TDRP: variants seen among roughly 807,000 people sequenced by gnomAD.
The protein encoded by TDRP is testis development-related protein.
Under a neutral mutation model 10.5 loss-of-function variants are expected in TDRP, and 12 were observed. That is an observed-to-expected ratio of 1.15 (90% CI 0.73 to 1.86). The LOEUF is 1.86. Ranked by LOEUF, TDRP falls within the 40% of genes most tolerant of loss-of-function variation. The pLI is 0.00. For missense variants in TDRP, 353 were observed against 229.2 expected (o/e 1.54, Z -3.49); for synonymous variants, 139 against 95.4 (o/e 1.46, Z -2.67).
At chr8:510,887 T>C (rs1041340622) in intron 1 of TDRP, among the ~76,000 whole-genome samples, 13 of 152,182 alleles carry the variant, frequency 8.5e-5, no homozygotes, top group Non-Finnish European at 1.8e-4. Flanking sequence ...AGCAATTGCA[T>C]AGAATAGGCA....
intron 1 of TDRP, among the ~76,000 whole-genome samples, chr8:537,594 T>C (rs1009044349): frequency 1.3e-5 from 2 of 152,244 alleles, no homozygotes; most frequent in African/African-American, 4.8e-5. Context: ...ACACTGGCCA[T>C]GGGGACTACG....
At chr8:518,887 T>C (rs1334502157) in intron 1 of TDRP, among the ~76,000 whole-genome samples, 2 of 152,198 alleles carry the variant, frequency 1.3e-5, no homozygotes, top group Non-Finnish European at 2.9e-5. Context: ...GTTTAGTCTT[T>C]ATCCTTGGTT....
intron 1 of TDRP, among the ~76,000 whole-genome samples, chr8:520,686 G>A (rs1007272177): frequency 2.2e-4 from 34 of 152,154 alleles, no homozygotes; most frequent in African/African-American, 7.2e-4. Context: ...GTATTTCCCT[G>A]ATGATTAGCA....
intron 1 of TDRP, among the ~76,000 whole-genome samples, chr8:541,644 T>A (rs1321950553): frequency 1.3e-5 from 2 of 152,194 alleles, no homozygotes; most frequent in South Asian, 2.1e-4. Context: ...ATGACAAGTA[T>A]GCGTCTGAAA....
intron 1 of TDRP, among the ~76,000 whole-genome samples, chr8:517,604 T>C (rs1801792911): frequency 6.6e-6 from 1 of 152,116 alleles, no homozygotes; most frequent in African/African-American, 2.4e-5. Flanking sequence ...AGCCCCCACT[T>C]CAAGATGTCC....
Position 523,626 on chromosome 8 carries a change from T to C in TDRP, c.108+21024A>G, listed in dbSNP as rs570466953. 1.5e-3 allele frequency among the ~76,000 whole-genome samples: 224 copies of C among 152,260 alleles called. 1 individual carries two copies. Among genetic ancestry groups the C allele is most frequent in the African/African-American group, 4.9e-3 (202 of 41,564 alleles). On this transcript the variant is annotated intron_variant, in intron 1 of 2. Coordinates refer to ENST00000324079, the MANE Select transcript of TDRP (RefSeq NM_001384899.1). ...ATTCACGAGCTGACTAAAGAGCCCT[T>C]GGGCCTTGAGTTAACATCGGCAATA...
intron 1 of TDRP, among the ~76,000 whole-genome samples, chr8:536,617 A>G (rs2116870446): frequency 6.6e-6 from 1 of 152,360 alleles, no homozygotes; most frequent in Admixed American, 6.5e-5. Flanking sequence ...GAGAGTATGA[A>G]AAAAATGTAA....
In TDRP at chr8:491,547, A is replaced by G; in HGVS notation, c.*852T>C. On this transcript the variant is annotated 3_prime_UTR_variant, in exon 3 of 3. Transcript: ENST00000324079. ...CATCTCGCTTTGCAAGAACAAACAT[A>G]TGAGCCTAATAAAAAAGAGGCACTT... is the stretch of plus-strand genomic sequence containing the variant. 1 of 1,433,538 alleles carries G rather than the reference A, an allele frequency of 7.0e-7. No homozygotes were observed. Among genetic ancestry groups the G allele is most frequent in the Non-Finnish European group, 9.3e-7 (1 of 1,079,906 alleles). The allele number at this position is 1,433,538 out of a possible 1,614,324, so 88.8% of individuals were successfully genotyped here.
At chr8:541,369 A>G (rs34876789) in intron 1 of TDRP, among the ~76,000 whole-genome samples, 68,213 of 152,112 alleles carry the variant, frequency 0.45, 17,132 homozygotes, top group Non-Finnish European at 0.57. Flanking sequence ...GGCTTTTTCA[A>G]TATAATACCA....
intron 1 of TDRP, among the ~76,000 whole-genome samples, chr8:514,099 A>G (rs937651021): frequency 1.3e-5 from 2 of 152,180 alleles, no homozygotes; most frequent in African/African-American, 4.8e-5. Flanking sequence ...AGCTGACTCT[A>G]AGATGCATAC....
intron 1 of TDRP, among the ~76,000 whole-genome samples, chr8:540,714 TTA>T (rs1204341183): frequency 6.6e-6 from 1 of 152,086 alleles, no homozygotes; most frequent in Non-Finnish European, 1.5e-5. Flanking sequence ...TAAAATTATT[TTA>T]GTAATAGTTA....
chr8:537,265 G>T (rs553195605), intron 1 of TDRP, among the ~76,000 whole-genome samples: 1 of 152,314 alleles, frequency 6.6e-6, no homozygotes, highest in African/African-American at 2.4e-5. Flanking sequence ...CTCCAGAGAG[G>T]CTTGTGATGT....
At chr8:496,373 G>A (rs1405247398) in intron 1 of TDRP, among the ~76,000 whole-genome samples, 2 of 152,202 alleles carry the variant, frequency 1.3e-5, no homozygotes, top group Non-Finnish European at 2.9e-5. Context: ...GACTCTGGAG[G>A]AAGGACCATG....
intron 1 of TDRP, among the ~76,000 whole-genome samples, chr8:511,713 T>G (rs910094149): frequency 6.6e-6 from 1 of 152,208 alleles, no homozygotes; most frequent in Admixed American, 6.5e-5. Flanking sequence ...AACCTGGATA[T>G]ATTTAACAGG....
intron 1 of TDRP, among the ~76,000 whole-genome samples, chr8:513,373 C>A (rs1801668255): frequency 6.6e-6 from 1 of 152,008 alleles, no homozygotes; most frequent in African/African-American, 2.4e-5. Context: ...ATCTGAAAAT[C>A]CATTAATATA....
chr8:492,594 A>G lies in TDRP; in HGVS notation c.363T>C (p.Ala121=), dbSNP rs1801012032. The G allele has an allele frequency of 6.2e-7, 1 of 1,613,874 alleles. No homozygotes were observed. Among genetic ancestry groups the G allele is most frequent in the African/African-American group, 1.3e-5 (1 of 74,948 alleles). ...PPKLALEDIS[A]DPEDTVGGHP... ...GGCCACCCACGGTGTCCTCAGGGTC[A>G]GCCGATATGTCTTCAAGAGCAAGTT... The change falls in exon 3 of 3, where the codon GCT becomes GCC. Residue 121 remains alanine (A), a synonymous_variant. Transcript: ENST00000324079.
chr8:522,708 C>T (rs1161812234), intron 1 of TDRP, among the ~76,000 whole-genome samples: 1 of 152,168 alleles, frequency 6.6e-6, no homozygotes, highest in African/African-American at 2.4e-5. Flanking sequence ...ACTCGGTGCA[C>T]CTAAATAATT....
intron 1 of TDRP, among the ~76,000 whole-genome samples, chr8:513,641 G>T (rs1033805793): frequency 1.3e-5 from 2 of 152,180 alleles, no homozygotes; most frequent in East Asian, 1.9e-4. Context: ...ACACCGTGCA[G>T]ATTTCAGCCA....
intron 1 of TDRP, among the ~76,000 whole-genome samples, chr8:506,643 T>G (rs1801472825): frequency 6.6e-6 from 1 of 152,158 alleles, no homozygotes; most frequent in African/African-American, 2.4e-5. Flanking sequence ...GACTCCCCAC[T>G]ACGGCAAATG....
Sources: gnomAD v4.1 joint callset for allele counts (sites outside exome capture counted in the v4.1 genomes callset) on GRCh38, gnomAD v4.1.1 for gene constraint, MANE v1.5 for transcripts, NCBI Gene and HGNC (gene_info 2026-07-23, HGNC 2026-07-21) for gene names.